The following MEX3A variants were observed in gnomAD, a reference collection of about 807,000 sequenced individuals.
MEX3A encodes RNA-binding protein MEX3A.
A neutral mutation model predicts 30.0 loss-of-function variants in MEX3A; 4 were observed. The observed-to-expected ratio is 0.13, with a 90% CI of 0.07 to 0.30. The LOEUF (loss-of-function observed/expected upper bound fraction) is 0.30, where lower values mean the gene tolerates loss of function less well. Ranked by LOEUF, MEX3A falls within the 10% of genes least tolerant of loss-of-function variation. MEX3A has a pLI of 1.00. For missense variants in MEX3A, 555 were observed against 736.7 expected (o/e 0.75, Z 2.86); for synonymous variants, 335 against 327.6 (o/e 1.02, Z -0.24).
chr1:156,078,768 G>A (rs74610158), intron 1 of MEX3A, among the ~76,000 whole-genome samples: 4 of 152,000 alleles, frequency 2.6e-5, no homozygotes, highest in African/African-American at 7.3e-5. Context: ...CACACGTCAC[G>A]TGTGTGAGTT....
intron 1 of MEX3A, 130 bp downstream of exon 1, chr1:156,081,415 G>A (rs1334352635): frequency 1.3e-6 from 1 of 761,258 alleles, no homozygotes; most frequent in East Asian, 3.1e-5. Flanking sequence ...TCAGGGTAGG[G>A]GGCGGGTCCC....
Position 156,076,855 on chromosome 1 carries a change from AGCGGTGTGC to A in MEX3A, c.1273_1281del (p.Ala425_Arg427del), listed in dbSNP as rs2102776326. 6.5e-7 allele frequency: 1 copy of A among 1,537,892 alleles called. No homozygotes were observed. The highest frequency in any genetic ancestry group is 8.8e-7 in the Non-Finnish European group (1 of 1,141,686). On this transcript the variant is annotated inframe_deletion, in exon 2 of 2. Transcript: ENST00000532414. The surrounding 1 kb of genome is among the most constrained non-coding windows in gnomAD (Gnocchi z 6.0). ...TCGGGTCCCGCGGAAGTGGCAGGGG[AGCGGTGTGC>A]GCCCGGGGGCCCAGCGCGGGCCTTG... is the stretch of plus-strand genomic sequence containing the variant.
rs11264432 is a variant in MEX3A, at chr1:156,073,124, G to A, written c.*3450C>T. 63,335 of 152,562 alleles carry A rather than the reference G, an allele frequency of 0.42. 15,686 individuals carry two copies. Among genetic ancestry groups the A allele is most frequent in the Non-Finnish European group, 0.54 (36,734 of 67,972 alleles). The allele number at this position is 152,562 out of a possible 1,614,324, so 9.5% of individuals were successfully genotyped here. On this transcript the variant is annotated 3_prime_UTR_variant, in exon 2 of 2. Coordinates refer to ENST00000532414, the MANE Select transcript of MEX3A (RefSeq NM_001093725.2). ...AAATCAATCTGTAGAGAAGTGGACC[G>A]AGGTCACACTTCAAGAAGGACTTCC... is the stretch of plus-strand genomic sequence containing the variant.
chr1:156,077,271 G>GCGATGTGCGTCT lies in MEX3A; in HGVS notation c.854_865dup (p.Glu285_Ile288dup). 1 of 1,613,926 alleles carries GCGATGTGCGTCT rather than the reference G, an allele frequency of 6.2e-7. No individual in the cohort carries two copies. The highest frequency in any genetic ancestry group is 8.5e-7 in the Non-Finnish European group (1 of 1,179,862). ...CTCGAGGATCTTGCCAGTGCGCACC[G>GCGATGTGCGTCT]CGATGTGCGTCTCGATCTCCTCGCG... On this transcript the variant is annotated inframe_insertion, in exon 2 of 2. Transcript: ENST00000532414. The surrounding 1 kb of genome is among the most constrained non-coding windows in gnomAD (Gnocchi z 8.3).
At position 156,073,592 on chromosome 1, in the gene MEX3A, CTAAG is replaced by C. The variant is rs1278623364; in HGVS notation, c.*2978_*2981del. On this transcript the variant is annotated 3_prime_UTR_variant, in exon 2 of 2. Coordinates refer to ENST00000532414, the MANE Select transcript of MEX3A (RefSeq NM_001093725.2). The stretch of plus-strand genomic sequence containing the variant: ...CTTTAAGCTATCTTAATATTGTCTA[CTAAG>C]TAACTAGTAATTGTTTCTTTCTCTC... 2 of 152,646 alleles carry C rather than the reference CTAAG, an allele frequency of 1.3e-5. No individual in the cohort carries two copies. The highest frequency in any genetic ancestry group is 4.8e-5 in the African/African-American group (2 of 41,408). The allele number at this position is 152,646 out of a possible 1,614,324, so 9.5% of individuals were successfully genotyped here. A position where few individuals can be genotyped will look rare whatever the true frequency, so the allele number is the denominator to read the frequency against.
Position 156,077,417 on chromosome 1 carries a change from G to T in MEX3A, c.720C>A (p.Gly240=), listed in dbSNP as rs771482902. 4.8e-5 allele frequency: 77 copies of T among 1,613,492 alleles called. No individual in the cohort carries two copies. The highest frequency in any genetic ancestry group is 6.2e-5 in the Non-Finnish European group (73 of 1,179,754). ...VPYRVVGLVV[G]PKGATIKRIQ... is the part of the protein sequence containing the mutation. The stretch of plus-strand genomic sequence containing the variant: ...TGCGCTTGATGGTTGCCCCTTTGGG[G>T]CCCACCACCAGCCCCACCACGCGGT... The change falls in exon 2 of 2, where the codon GGC becomes GGA. Residue 240 remains glycine (G), a synonymous_variant. Transcript: ENST00000532414. This position sits in a 1 kb window ranked among gnomAD's most constrained non-coding sequence, Gnocchi z 8.3.
rs753277051 is a variant in MEX3A at position 156,076,889 on chromosome 1, G to A, written c.1248C>T (p.Ala416=). ...SSASSSSSSS[A]KARAGPPGAH... ...CGCCCGGGGGCCCAGCGCGGGCCTTGGCGGAAGAGGAGGAGGAGGAGGAGG... is the reference window on the plus strand; with the variant it reads ...CGCCCGGGGGCCCAGCGCGGGCCTTAGCGGAAGAGGAGGAGGAGGAGGAGG... Residue 416 remains alanine (A), a synonymous_variant, in exon 2 of 2, where the codon GCC becomes GCT. Transcript: ENST00000532414. The surrounding 1 kb of genome is among the most constrained non-coding windows in gnomAD (Gnocchi z 6.0). 5.1e-5 allele frequency: 79 copies of A among 1,550,316 alleles called. 1 individual carries two copies. In the Admixed American group the frequency reaches 1.5e-3, roughly 29 times the overall value.
chr1:156,077,295 C>T lies in MEX3A; in HGVS notation c.842G>A (p.Arg281His). ...TGAPGNVERA[R>H]EEIETHIAVR... Reference sequence around the variant, plus strand: ...CGCGATGTGCGTCTCGATCTCCTCGCGCGCACGCTCCACGTTGCCTGGGGC... The same window carrying T: ...CGCGATGTGCGTCTCGATCTCCTCGTGCGCACGCTCCACGTTGCCTGGGGC... The change falls in exon 2 of 2, where the codon CGC becomes CAC. Residue 281 changes from arginine (R) to histidine (H), a missense_variant. Around this residue, in one of 6 missense-constraint regions of MEX3A, gnomAD observed 33 missense variants for 100.9 expected, o/e 0.33. Coordinates refer to ENST00000532414, the MANE Select transcript of MEX3A (RefSeq NM_001093725.2). The surrounding 1 kb of genome is among the most constrained non-coding windows in gnomAD (Gnocchi z 8.3). 1.2e-6 allele frequency: 2 copies of T among 1,613,942 alleles called. No homozygotes were observed. The highest frequency in any genetic ancestry group is 1.7e-6 in the Non-Finnish European group (2 of 1,179,860).
chr1:156,078,579 G>A (rs1350693881), intron 1 of MEX3A, among the ~76,000 whole-genome samples: 2 of 152,050 alleles, frequency 1.3e-5, no homozygotes, highest in Admixed American at 6.6e-5. Context: ...AGAGAAAGAA[G>A]AAAAATGAGA....
At chr1:156,078,187 C>T (rs1303125116) in intron 1 of MEX3A, among the ~76,000 whole-genome samples, 1 of 152,118 alleles carries the variant, frequency 6.6e-6, no homozygotes, top group Admixed American at 6.5e-5. Context: ...CTCATCTGAC[C>T]CTTGATCATT....
chr1:156,081,927 T>C lies in MEX3A; in HGVS notation c.72A>G (p.Gly24=). The stretch of plus-strand genomic sequence containing the variant: ...CCAGCAGCCCTCGGTCCTTAGCGCT[T>C]CCCCCGAAACATCCTAGTTCTCCAA... ...GGFGELGCFG[G]SAKDRGLLED... is the part of the protein sequence containing the mutation. The change falls in exon 1 of 2, where the codon GGA becomes GGG. Residue 24 remains glycine (G), a synonymous_variant. Transcript: ENST00000532414. The C allele has an allele frequency of 6.5e-7, 1 of 1,536,218 alleles. No individual in the cohort carries two copies. The highest frequency in any genetic ancestry group is 8.8e-7 in the Non-Finnish European group (1 of 1,140,190).
Position 156,082,153 on chromosome 1 carries a change from A to T in MEX3A, c.-155T>A, listed in dbSNP as rs1490434566. Among the ~76,000 whole-genome samples the T allele has an allele frequency of 6.7e-6, 1 of 149,486 alleles. No homozygotes were observed. Among genetic ancestry groups the T allele is most frequent in the East Asian group, 2.0e-4 (1 of 4,932 alleles). ...GGGAGGGGGGAAGAAAGCGAGATAG[A>T]AAGATAGACCCTCCCCCTAAGCCCC... On this transcript the variant is annotated 5_prime_UTR_variant, in exon 1 of 2. Coordinates refer to ENST00000532414, the MANE Select transcript of MEX3A (RefSeq NM_001093725.2).
rs895602129 is a variant in MEX3A, at chr1:156,072,318, G to A, written c.*4256C>T. The A allele has an allele frequency of 2.1e-5, 3 of 142,034 alleles. No homozygotes were observed. Among genetic ancestry groups the A allele is most frequent in the African/African-American group, 5.2e-5 (2 of 38,422 alleles). 8.8% of individuals were successfully genotyped at this position (142,034 alleles called of 1,614,324 possible). A position where few individuals can be genotyped will look rare whatever the true frequency, so the allele number is the denominator to read the frequency against. On this transcript the variant is annotated 3_prime_UTR_variant, in exon 2 of 2. Coordinates refer to ENST00000532414, the MANE Select transcript of MEX3A (RefSeq NM_001093725.2). ...CCCCCCCTTCCCCACCCGCACCCTC[G>A]AGTGGGGAAGGGGAAGCCCTCCCCA...
rs774150929 is a variant in MEX3A at position 156,081,538 on chromosome 1, C to A, written c.454+7G>T. The A allele has an allele frequency of 1.9e-6, 3 of 1,603,550 alleles. No homozygotes were observed. Among genetic ancestry groups the A allele is most frequent in the East Asian group, 2.2e-5 (1 of 44,458 alleles). On this transcript the variant is annotated splice_region_variant and intron_variant, in intron 1 of 1. Coordinates refer to ENST00000532414, the MANE Select transcript of MEX3A (RefSeq NM_001093725.2). Reference sequence around the variant, plus strand: ...GTCCCTCTCAGTGGTCCCGGCGCCCCGCTTACCTTGCCTGCCCACGATCTC... The same window carrying A: ...GTCCCTCTCAGTGGTCCCGGCGCCCAGCTTACCTTGCCTGCCCACGATCTC...
chr1:156,080,554 C>T (rs1296409298), intron 1 of MEX3A, among the ~76,000 whole-genome samples: 1 of 152,120 alleles, frequency 6.6e-6, no homozygotes, highest in Non-Finnish European at 1.5e-5. Context: ...ATCCTGCCCC[C>T]CACACTCTCC....
Position 156,081,881 on chromosome 1 carries a change from G to A in MEX3A, c.118C>T (p.Leu40=). ...AGGAGGCAGAGTTGATCGAGAGCCA[G>A]CTGAAGGGCGCGCTCGTCTTCCAGC... is the stretch of plus-strand genomic sequence containing the variant. ...GLLEDERALQ[L]ALDQLCLLGL... The change falls in exon 1 of 2, where the codon CTG becomes TTG. Residue 40 remains leucine, a synonymous_variant. Coordinates refer to ENST00000532414, the MANE Select transcript of MEX3A (RefSeq NM_001093725.2). The A allele has an allele frequency of 6.6e-7, 1 of 1,515,684 alleles. No individual in the cohort carries two copies. Among genetic ancestry groups the A allele is most frequent in the Non-Finnish European group, 8.8e-7 (1 of 1,130,166 alleles). 93.9% of individuals were successfully genotyped at this position (1,515,684 alleles called of 1,614,324 possible).
In MEX3A at chr1:156,076,126, G is replaced by C. The variant is rs1648055578; in HGVS notation, c.*448C>G. On this transcript the variant is annotated 3_prime_UTR_variant, in exon 2 of 2. Transcript: ENST00000532414. This position sits in a 1 kb window ranked among gnomAD's most constrained non-coding sequence, Gnocchi z 6.0. Reference sequence around the variant, plus strand: ...GTTAGGAGGTCGGAGGTCAGGACCAGAGGGCTTAGGGATTGCAAAGAGCAC... The same window carrying C: ...GTTAGGAGGTCGGAGGTCAGGACCACAGGGCTTAGGGATTGCAAAGAGCAC... 1 of 157,858 alleles carries C rather than the reference G, an allele frequency of 6.3e-6. No homozygotes were observed. Among genetic ancestry groups the C allele is most frequent in the East Asian group, 1.8e-4 (1 of 5,412 alleles). The allele number at this position is 157,858 out of a possible 1,614,324, so 9.8% of individuals were successfully genotyped here.
intron 1 of MEX3A, among the ~76,000 whole-genome samples, chr1:156,079,748 G>GT (rs1423286344): frequency 6.6e-6 from 1 of 152,138 alleles, no homozygotes; most frequent in Non-Finnish European, 1.5e-5. Flanking sequence ...GGTTCTGGCC[G>GT]TAAGTTTTGG....
At position 156,081,830 on chromosome 1, in the gene MEX3A, T is replaced by G; in HGVS notation, c.169A>C (p.Thr57Pro). The change falls in exon 1 of 2, where the codon ACG (threonine) becomes CCG (proline). Residue 57 changes from threonine (T) to proline (P), a missense_variant. By Grantham distance (38) the Thr-to-Pro change is conservative (BLOSUM62 -1). Coordinates refer to ENST00000532414, the MANE Select transcript of MEX3A (RefSeq NM_001093725.2). ...CCACCTCCCCCGTCCTCGCCCGCCGTGGGGGCGGGGGGCTCCCCCAAACCC... is the reference window on the plus strand; with the variant it reads ...CCACCTCCCCCGTCCTCGCCCGCCGGGGGGGCGGGGGGCTCCCCCAAACCC... ...LLGLGEPPAP[T>P]AGEDGGGGGG... 2.2e-5 allele frequency: 27 copies of G among 1,229,856 alleles called. No homozygotes were observed. Among genetic ancestry groups the G allele is most frequent in the East Asian group, 1.3e-4 (3 of 22,380 alleles). The allele number at this position is 1,229,856 out of a possible 1,614,324, so 76.2% of individuals were successfully genotyped here. A position where few individuals can be genotyped will look rare whatever the true frequency, so the allele number is the denominator to read the frequency against.
Sources: gnomAD v4.1 joint callset for allele counts (sites outside exome capture counted in the v4.1 genomes callset) on GRCh38, gnomAD v4.1.1 for gene constraint, gnomAD v4.1.1 regional missense constraint, Gnocchi (gnomAD v3.1) non-coding constraint, MANE v1.5 for transcripts, NCBI Gene and HGNC (gene_info 2026-07-23, HGNC 2026-07-21) for gene names.